RARB: variants seen among roughly 807,000 people sequenced by gnomAD.
The protein encoded by RARB is HBV-activated protein.
Under a neutral mutation model 51.9 loss-of-function variants are expected in RARB, and 17 were observed. The ratio of observed to expected loss-of-function variants is 0.33; its 90% CI spans 0.22 to 0.49. RARB has a LOEUF of 0.49. Among genes scored for constraint, RARB ranks in the 20% least tolerant of loss-of-function variants. The pLI is 0.99. For synonymous variants in RARB, 215 were observed against 195.4 expected, an observed-to-expected ratio of 1.10 and a Z score of -0.84; for missense variants, 369 against 550.8, an observed-to-expected ratio of 0.67 and a Z score of 3.30.
At chr3:24,899,422 G>T (rs1372511704) in intron 2 of RARB, among the ~76,000 whole-genome samples, 1 of 152,170 alleles carries the variant, frequency 6.6e-6, no homozygotes, top group Non-Finnish European at 1.5e-5. Flanking sequence ...AAATGTACCA[G>T]GCTGTTTGTG....
chr3:25,444,903 A>C (rs1467179350), intron 1 of RARB, among the ~76,000 whole-genome samples: 1 of 152,102 alleles, frequency 6.6e-6, no homozygotes, highest in Non-Finnish European at 1.5e-5. Flanking sequence ...TTTAGAGACC[A>C]GTGTTACCAT....
chr3:25,038,865 C>G (rs977274740), intron 2 of RARB, among the ~76,000 whole-genome samples: 4 of 152,140 alleles, frequency 2.6e-5, no homozygotes, highest in African/African-American at 9.7e-5. Context: ...AGGCATAAAC[C>G]TCTGTTGTTT....
chr3:25,595,841 C>T lies in RARB; in HGVS notation c.1151-579C>T, dbSNP rs557681069. 1.4e-3 allele frequency among the ~76,000 whole-genome samples: 217 copies of T among 152,338 alleles called. 5 individuals are homozygous for T. In the South Asian group the frequency reaches 0.044, roughly 31 times the overall value. The stretch of plus-strand genomic sequence containing the variant: ...CGTGAACTCCTCTGTTTGTGGGTAA[C>T]TGCCATCAACCTGTCTTTTTCAAGA... On this transcript the variant is annotated intron_variant, in intron 7 of 7. Transcript: ENST00000330688.
chr3:25,099,296 G>A (rs79343114), intron 3 of RARB, among the ~76,000 whole-genome samples: 1 of 152,156 alleles, frequency 6.6e-6, no homozygotes, highest in East Asian at 1.9e-4. Context: ...CCTTGTTTCA[G>A]AGGAGACACA....
intron 1 of RARB, among the ~76,000 whole-genome samples, chr3:25,447,174 A>G (rs1708985618): frequency 1.3e-5 from 2 of 152,082 alleles, no homozygotes. Flanking sequence ...GAAAGTATTT[A>G]TTTCACATCA....
At chr3:25,509,814 A>AGTTGCC (rs1379032839) in intron 3 of RARB, among the ~76,000 whole-genome samples, 1 of 151,952 alleles carries the variant, frequency 6.6e-6, no homozygotes, top group Admixed American at 6.6e-5. Context: ...ACAGAGACAA[A>AGTTGCC]GTTGCCCTTC....
intron 3 of RARB, among the ~76,000 whole-genome samples, chr3:25,099,015 G>T (rs905258085): frequency 1.8e-4 from 27 of 152,274 alleles, no homozygotes; most frequent in African/African-American, 6.0e-4. Context: ...GAAAGCTGGG[G>T]CTTGGGTCCA....
At chr3:25,321,807 T>C (rs1704578462) in intron 5 of RARB, among the ~76,000 whole-genome samples, 1 of 152,014 alleles carries the variant, frequency 6.6e-6, no homozygotes, top group Non-Finnish European at 1.5e-5. Flanking sequence ...AAGCTCAGTG[T>C]TGTGAAGTTG....
At chr3:24,943,963 A>T (rs1490818092) in intron 2 of RARB, among the ~76,000 whole-genome samples, 2 of 152,210 alleles carry the variant, frequency 1.3e-5, no homozygotes, top group African/African-American at 2.4e-5. Context: ...AATGGTTCCG[A>T]TTCAGAGCAA....
intron 5 of RARB, among the ~76,000 whole-genome samples, chr3:25,311,259 G>A (rs1303044793): frequency 6.6e-6 from 1 of 152,208 alleles, no homozygotes; most frequent in East Asian, 1.9e-4. Flanking sequence ...TGTGAAAACA[G>A]AATGGAGTCC....
At chr3:25,504,333 G>T (rs1395617795) in intron 3 of RARB, among the ~76,000 whole-genome samples, 1 of 152,198 alleles carries the variant, frequency 6.6e-6, no homozygotes, top group South Asian at 2.1e-4. Context: ...CCAGCAAAAA[G>T]AGAGACTATT....
chr3:25,174,176 C>A, exon 5 of RARB: 1 of 253,948 alleles, frequency 3.9e-6, no homozygotes, highest in Non-Finnish European at 8.0e-6. Flanking sequence ...AACTGCGAAG[C>A]TGAACGACGA....
At chr3:25,466,822 T>A (rs1286723784) in intron 2 of RARB, among the ~76,000 whole-genome samples, 1 of 152,212 alleles carries the variant, frequency 6.6e-6, no homozygotes, top group East Asian at 1.9e-4. Context: ...AGATAATATG[T>A]ACAAAAATGG....
At chr3:25,312,000 A>G (rs1278567994) in intron 5 of RARB, among the ~76,000 whole-genome samples, 1 of 152,172 alleles carries the variant, frequency 6.6e-6, no homozygotes, top group Non-Finnish European at 1.5e-5. Flanking sequence ...AAAAAAAAGG[A>G]AAAAAAGTAT....
At chr3:24,897,262 G>A (rs906799655) in intron 2 of RARB, among the ~76,000 whole-genome samples, 21 of 152,210 alleles carry the variant, frequency 1.4e-4, no homozygotes, top group African/African-American at 4.1e-4. Flanking sequence ...GAACTTTGCC[G>A]AAAAACCTAA....
chr3:25,266,191 T>A (rs1703121196), intron 5 of RARB, among the ~76,000 whole-genome samples: 1 of 152,134 alleles, frequency 6.6e-6, no homozygotes, highest in Non-Finnish European at 1.5e-5. Flanking sequence ...GACATAAATA[T>A]CTTTGGGGGC....
intron 5 of RARB, 146 bp downstream of exon 5, chr3:25,580,868 C>T (rs1353330581): frequency 2.4e-6 from 2 of 847,328 alleles, no homozygotes; most frequent in Non-Finnish European, 1.7e-6. Flanking sequence ...TAGGTGGACT[C>T]ACCTAGCCTC....
chr3:25,453,213 C>G (rs1175168668), intron 1 of RARB, among the ~76,000 whole-genome samples: 1 of 143,330 alleles, frequency 7.0e-6, no homozygotes, highest in East Asian at 2.0e-4. Context: ...TATTCTGATT[C>G]TGCATTTCTG....
chr3:24,898,306 G>A lies in RARB; in HGVS notation c.-380+39554G>A, dbSNP rs184710072. 6.0e-3 allele frequency among the ~76,000 whole-genome samples: 887 copies of A among 147,360 alleles called. 5 individuals are homozygous for A. Among genetic ancestry groups the A allele is most frequent in the Middle Eastern group, 0.025 (7 of 284 alleles). ...ATAAATAGGAAATAAATGAAAAATA[G>A]GAATAAATTATAAATATAATATTTA... On this transcript the variant is annotated intron_variant, in intron 2 of 11. Coordinates refer to the RARB transcript ENST00000383772.
Sources: gnomAD v4.1 joint callset for allele counts (sites outside exome capture counted in the v4.1 genomes callset) on GRCh38, gnomAD v4.1.1 for gene constraint, MANE v1.5 for transcripts, NCBI Gene and HGNC (gene_info 2026-07-23, HGNC 2026-07-21) for gene names.